RAB11FIP4: variants seen among roughly 807,000 people sequenced by gnomAD.
RAB11FIP4 encodes rab11 family-interacting protein 4.
A neutral mutation model predicts 74.3 loss-of-function variants in RAB11FIP4; 23 were observed. That is an observed-to-expected ratio of 0.31 (90% confidence interval 0.22 to 0.44). The LOEUF (loss-of-function observed/expected upper bound fraction) is 0.44, where lower values mean the gene tolerates loss of function less well. Ranked by LOEUF, RAB11FIP4 falls within the 20% of genes least tolerant of loss-of-function variation. The pLI, the probability that RAB11FIP4 is intolerant of heterozygous loss-of-function variation, is 1.00. For missense variants in RAB11FIP4, 630 were observed against 863.9 expected (o/e 0.73, Z 3.39); for synonymous variants, 360 against 359.9 (o/e 1.00, Z 0.00).
chr17:31,396,042 G>A (rs780581102), intron 1 of RAB11FIP4, among the ~76,000 whole-genome samples: 10 of 151,896 alleles, frequency 6.6e-5, no homozygotes, highest in East Asian at 5.8e-4. Flanking sequence ...AAATTAGCCC[G>A]GTGTAGTGGC....
In RAB11FIP4 at chr17:31,408,133, T is replaced by C. The variant is rs139264029; in HGVS notation, c.159+16122T>C. The stretch of plus-strand genomic sequence containing the variant: ...TTTTAATGCTCAACAGTTTTTTGTT[T>C]TGTTTTTAATGCAACATTATAACAT... On this transcript the variant is annotated intron_variant, in intron 1 of 14. Transcript: ENST00000621161. Among the ~76,000 whole-genome samples the C allele has an allele frequency of 6.2e-3, 948 of 152,350 alleles. 18 individuals carry two copies. The highest frequency in any genetic ancestry group is 0.022 in the African/African-American group (905 of 41,572).
At chr17:31,497,801 A>G (rs1333180213) in intron 3 of RAB11FIP4, among the ~76,000 whole-genome samples, 1 of 152,112 alleles carries the variant, frequency 6.6e-6, no homozygotes, top group South Asian at 2.1e-4. Flanking sequence ...GGGAGGCTTT[A>G]AGAGCAGGTG....
chr17:31,425,926 T>C (rs1597909587), intron 1 of RAB11FIP4, among the ~76,000 whole-genome samples: 2 of 152,268 alleles, frequency 1.3e-5, no homozygotes, highest in East Asian at 3.9e-4. Flanking sequence ...TTTGCTATGC[T>C]CCCTGCGTGA....
At chr17:31,520,006 G>T (rs1028893451) in intron 4 of RAB11FIP4, among the ~76,000 whole-genome samples, 1 of 150,402 alleles carries the variant, frequency 6.6e-6, no homozygotes, top group African/African-American at 2.5e-5. Context: ...AGCTACTCAG[G>T]AGGCTGTGGC....
intron 6 of RAB11FIP4, 39 bp downstream of exon 6, chr17:31,522,088 G>T (rs894779476): frequency 6.2e-7 from 1 of 1,612,700 alleles, no homozygotes; most frequent in African/African-American, 1.3e-5. Context: ...GAGGCCGGGG[G>T]GCCAGGGCAG....
Position 31,391,999 on chromosome 17 carries a change from C to T in RAB11FIP4, c.147C>T (p.Gly49=). The T allele has an allele frequency of 7.5e-7, 1 of 1,334,780 alleles. No individual in the cohort carries two copies. The highest frequency in any genetic ancestry group is 1.9e-5 in the South Asian group (1 of 52,756). The allele number at this position is 1,334,780 out of a possible 1,614,324, so 82.7% of individuals were successfully genotyped here. A position where few individuals can be genotyped will look rare whatever the true frequency, so the allele number is the denominator to read the frequency against. The change falls in exon 1 of 15, where the codon GGC becomes GGT. Residue 49 remains glycine, a synonymous_variant. Transcript: ENST00000621161. ...TCGCGGCGCTCGGACTGCGCTTCGG[C>T]CAGGGCGAGGAGGTAAGCTGGCCCG... is the stretch of plus-strand genomic sequence containing the variant. ...ERVAALGLRF[G]QGEEVEKLVK...
At chr17:31,477,885 A>G (rs184486460) in intron 3 of RAB11FIP4, among the ~76,000 whole-genome samples, 74 of 152,084 alleles carry the variant, frequency 4.9e-4, no homozygotes, top group African/African-American at 1.7e-3. Flanking sequence ...TAAAATGGGG[A>G]TAATACCTGC....
intron 3 of RAB11FIP4, among the ~76,000 whole-genome samples, chr17:31,478,570 A>G (rs1172748140): frequency 6.6e-6 from 1 of 152,116 alleles, no homozygotes; most frequent in Non-Finnish European, 1.5e-5. Context: ...TTGCTATCAG[A>G]GTGGGATGGG....
chr17:31,483,933 G>A (rs1473904605), intron 3 of RAB11FIP4, among the ~76,000 whole-genome samples: 1 of 152,124 alleles, frequency 6.6e-6, no homozygotes, highest in Non-Finnish European at 1.5e-5. Flanking sequence ...GAGAGGCCAG[G>A]CATGGTGGCT....
intron 2 of RAB11FIP4, among the ~76,000 whole-genome samples, chr17:31,432,660 C>T (rs1310449398): frequency 6.6e-6 from 1 of 152,182 alleles, no homozygotes; most frequent in Non-Finnish European, 1.5e-5. Flanking sequence ...ATGCCCTGCC[C>T]TCTCTTCCTC....
intron 7 of RAB11FIP4, chr17:31,522,667 GAGAC>G: frequency 1.9e-6 from 1 of 533,022 alleles, no homozygotes; most frequent in East Asian, 3.1e-5. Flanking sequence ...TGCCCTGAGA[GAGAC>G]AGAGCACCCC....
intron 3 of RAB11FIP4, among the ~76,000 whole-genome samples, chr17:31,437,816 G>A (rs909491751): frequency 1.1e-4 from 17 of 152,102 alleles, no homozygotes; most frequent in African/African-American, 1.7e-4. Flanking sequence ...AGCCTCTAGC[G>A]TTGGGCATCA....
At chr17:31,427,146 G>A (rs1030260892) in intron 1 of RAB11FIP4, among the ~76,000 whole-genome samples, 3 of 152,070 alleles carry the variant, frequency 2.0e-5, no homozygotes, top group African/African-American at 7.2e-5. Flanking sequence ...TTTTAGTAGA[G>A]ACAGGGGTTT....
chr17:31,408,867 C>G (rs2151618429), intron 1 of RAB11FIP4, among the ~76,000 whole-genome samples: 1 of 152,250 alleles, frequency 6.6e-6, no homozygotes, highest in South Asian at 2.1e-4. Flanking sequence ...GAGGTCGAGG[C>G]TGGTGTTGGC....
chr17:31,528,399 G>A lies in RAB11FIP4; in HGVS notation c.1357-7G>A. On this transcript the variant is annotated splice_polypyrimidine_tract_variant and splice_region_variant and intron_variant, in intron 11 of 14. Transcript: ENST00000621161. ...TCTCCTCCCCTGATCGGGTCTCCCTGCTCCAGGAGCGGCAGCGCATGTCTG... is the reference window on the plus strand; with the variant it reads ...TCTCCTCCCCTGATCGGGTCTCCCTACTCCAGGAGCGGCAGCGCATGTCTG... 1 of 1,611,618 alleles carries A rather than the reference G, an allele frequency of 6.2e-7. No homozygotes were observed. The highest frequency in any genetic ancestry group is 1.1e-5 in the South Asian group (1 of 91,022).
intron 3 of RAB11FIP4, among the ~76,000 whole-genome samples, chr17:31,463,693 C>T (rs1465653363): frequency 5.3e-5 from 8 of 150,322 alleles, no homozygotes; most frequent in Non-Finnish European, 5.9e-5. Context: ...TTAGTAGAGA[C>T]GGGGTTTCAC....
At chr17:31,488,052 G>T in intron 3 of RAB11FIP4, 1 of 1,015,650 alleles carries the variant, frequency 9.8e-7, no homozygotes, top group Non-Finnish European at 1.2e-6. Flanking sequence ...GATACAAAGA[G>T]CCCTTCGGCC....
chr17:31,524,911 C>T (rs983549173), intron 9 of RAB11FIP4, 179 bp from the exon 10 acceptor site: 7 of 735,688 alleles, frequency 9.5e-6, no homozygotes, highest in African/African-American at 1.8e-5. Flanking sequence ...CATGTGTGAC[C>T]GACACCCCCT....
At chr17:31,528,010 C>A in intron 11 of RAB11FIP4, 87 bp downstream of exon 11, 1 of 1,033,062 alleles carries the variant, frequency 9.7e-7, no homozygotes, top group Non-Finnish European at 1.4e-6. Flanking sequence ...ACAAATGCCG[C>A]ACCCCCTAAG....
Sources: allele counts gnomAD v4.1 joint callset (sites outside exome capture counted in the v4.1 genomes callset), GRCh38; gene constraint gnomAD v4.1.1; transcripts MANE v1.5; gene names NCBI Gene and HGNC (gene_info 2026-07-23, HGNC 2026-07-21).